Variants in IGFL2 observed in about 807,000 individuals in gnomAD.
IGFL2 encodes the protein IGF like family member 2.
IGFL2 carries 7 observed loss-of-function variants against 13.9 expected under a neutral mutation model. The ratio of observed to expected loss-of-function variants is 0.51; its 90% confidence interval spans 0.29 to 0.95. The LOEUF is 0.95. IGFL2 is among the 40% of genes least tolerant of loss of function. The probability of loss-of-function intolerance (pLI) is 0.08; values close to 1 mark genes in which losing one functional copy is unlikely to be tolerated. For synonymous variants in IGFL2, 55 were observed against 55.8 expected (o/e 0.99, Z 0.07); for missense variants, 138 against 147.8 (o/e 0.93, Z 0.34).
At chr19:46,114,075 CT>C in the IGFL2 span, among the ~76,000 whole-genome samples, 1 of 152,210 alleles carries the variant, frequency 6.6e-6, no homozygotes, top group African/African-American at 2.4e-5. Context: ...GGAAGTCAGA[CT>C]TTCTCTGGTA....
At chr19:46,149,137 C>A (rs1973304890) in intron 1 of IGFL2, 2 of 795,850 alleles carry the variant, frequency 2.5e-6, no homozygotes, top group African/African-American at 1.8e-5. Context: ...TTTGGGCAAC[C>A]ATCTCTCTCT....
At chr19:46,127,903 A>G in the IGFL2 span, among the ~76,000 whole-genome samples, 1 of 152,186 alleles carries the variant, frequency 6.6e-6, no homozygotes, top group Admixed American at 6.5e-5. Context: ...AGGATCCCAT[A>G]ACACTTTGGG....
intron 1 of IGFL2, among the ~76,000 whole-genome samples, chr19:46,151,889 G>T (rs1482178075): frequency 6.6e-6 from 1 of 152,224 alleles, no homozygotes; most frequent in Non-Finnish European, 1.5e-5. Flanking sequence ...TCCAGCCTGG[G>T]TGACAGAGTG....
chr19:46,175,737 C>T, the IGFL2 span, among the ~76,000 whole-genome samples: 3 of 151,480 alleles, frequency 2.0e-5, no homozygotes, highest in Non-Finnish European at 4.4e-5. Context: ...GACGGGGTTT[C>T]ACCATTTTGG....
chr19:46,149,024 C>G (rs752484381), intron 1 of IGFL2: 4 of 1,605,460 alleles, frequency 2.5e-6, no homozygotes, highest in Non-Finnish European at 3.4e-6. Context: ...CCGACTACCC[C>G]AGGAGTGTGC....
At chr19:46,171,249 G>A in the IGFL2 span, among the ~76,000 whole-genome samples, 3 of 152,180 alleles carry the variant, frequency 2.0e-5, no homozygotes, top group South Asian at 2.1e-4. Flanking sequence ...TTGAATTATC[G>A]GGGGCTGCTT....
the IGFL2 span, among the ~76,000 whole-genome samples, chr19:46,131,370 A>G: frequency 1.3e-5 from 2 of 152,326 alleles, no homozygotes; most frequent in Non-Finnish European, 2.9e-5. Context: ...TTTACTCGAC[A>G]ATATTTGTGC....
downstream of IGFL2, among the ~76,000 whole-genome samples, chr19:46,161,540 A>T (rs1230087847): frequency 6.6e-6 from 1 of 152,166 alleles, no homozygotes; most frequent in African/African-American, 2.4e-5. Flanking sequence ...TAGGATAATT[A>T]GGTCTTCTTG....
At chr19:46,176,922 A>G in the IGFL2 span, among the ~76,000 whole-genome samples, 41 of 152,298 alleles carry the variant, frequency 2.7e-4, no homozygotes, top group East Asian at 3.7e-3. Context: ...GACTGAATCT[A>G]TTGCCCAGTT....
At chr19:46,148,050 G>T (rs1227250297), upstream of IGFL2, 2 of 510,118 alleles carry the variant, frequency 3.9e-6, no homozygotes, top group Admixed American at 3.6e-5. Context: ...ATTTCGAGAG[G>T]TCTGAGAAGG....
the IGFL2 span, among the ~76,000 whole-genome samples, chr19:46,080,193 G>A: frequency 6.6e-6 from 1 of 152,142 alleles, no homozygotes; most frequent in Non-Finnish European, 1.5e-5. Context: ...AAATTAATGG[G>A]ATTTGACCTA....
chr19:46,170,116 G>A, the IGFL2 span, among the ~76,000 whole-genome samples: 4 of 151,862 alleles, frequency 2.6e-5, no homozygotes, highest in Admixed American at 6.6e-5. Flanking sequence ...AATAAAATAG[G>A]GATAGCTAAA....
the IGFL2 span, among the ~76,000 whole-genome samples, chr19:46,094,202 A>G: frequency 2.0e-5 from 3 of 152,156 alleles, no homozygotes; most frequent in Non-Finnish European, 2.9e-5. Context: ...TGTAGTAATC[A>G]AGACAGTATC....
At chr19:46,181,197 T>TA in the IGFL2 span, 9 of 149,124 alleles carry the variant, frequency 6.0e-5, no homozygotes, top group Non-Finnish European at 1.0e-4. Context: ...GTGTTTTCTG[T>TA]TTTATTTATT....
At chr19:46,116,036 T>C in the IGFL2 span, among the ~76,000 whole-genome samples, 1 of 152,306 alleles carries the variant, frequency 6.6e-6, no homozygotes, top group African/African-American at 2.4e-5. Flanking sequence ...GTTGATGTTA[T>C]AAGTGGGACT....
At chr19:46,178,267 A>T in the IGFL2 span, among the ~76,000 whole-genome samples, 3 of 140,968 alleles carry the variant, frequency 2.1e-5, no homozygotes, top group African/African-American at 7.5e-5. Context: ...ACAGAGCAAG[A>T]CTCTGCCTCA....
chr19:46,210,306 G>C, the IGFL2 span: 3 of 152,124 alleles, frequency 2.0e-5, no homozygotes, highest in East Asian at 5.8e-4. Context: ...AAAATGAAGA[G>C]GGATGGGAGA....
chr19:46,118,978 T>C, the IGFL2 span, among the ~76,000 whole-genome samples: 2 of 152,208 alleles, frequency 1.3e-5, no homozygotes, highest in African/African-American at 4.8e-5. Context: ...GACTCCCTTA[T>C]ACATACTCAA....
At chr19:46,104,333 G>A in the IGFL2 span, among the ~76,000 whole-genome samples, 1 of 152,208 alleles carries the variant, frequency 6.6e-6, no homozygotes, top group African/African-American at 2.4e-5. Flanking sequence ...TTGGTGAGGT[G>A]TGTCTTTAAA....
Sources: gnomAD v4.1 joint callset for allele counts (sites outside exome capture counted in the v4.1 genomes callset) on GRCh38, gnomAD v4.1.1 for gene constraint, MANE v1.5 for transcripts, NCBI Gene and HGNC (gene_info 2026-07-23, HGNC 2026-07-21) for gene names.